Variants in ELSPBP1 observed in about 807,000 individuals in gnomAD.
ELSPBP1 encodes the protein epididymal sperm binding protein 1, also known as epididymal sperm-binding protein 1.
Under a neutral mutation model 33.3 loss-of-function variants are expected in ELSPBP1, and 38 were observed. The observed-to-expected ratio is 1.14, with a 90% CI of 0.88 to 1.50. ELSPBP1 has a LOEUF of 1.50. ELSPBP1 is among the 40% of genes most tolerant of loss of function. ELSPBP1 has a pLI of 0.00. For synonymous variants in ELSPBP1, 85 were observed against 94.1 expected (o/e 0.90, Z 0.56); for missense variants, 267 against 263.5 (o/e 1.01, Z -0.09).
In ELSPBP1 at chr19:48,015,922, T is replaced by C. The variant is rs1678003257; in HGVS notation, c.238T>C (p.Tyr80His). The change falls in exon 4 of 7, where the codon TAT becomes CAT. Residue 80 changes from tyrosine (Y) to histidine (H), a missense_variant. Transcript: ENST00000339841. ...DYPRCIFPFI[Y>H]RGKAYNSCIS... ...CCCACGCTGTATCTTCCCTTTCATCTATCGAGGAAAGGCTTATAACAGCTG... is the reference window on the plus strand; with the variant it reads ...CCCACGCTGTATCTTCCCTTTCATCCATCGAGGAAAGGCTTATAACAGCTG... 1 of 1,612,570 alleles carries C rather than the reference T, an allele frequency of 6.2e-7. No homozygotes were observed. Among genetic ancestry groups the C allele is most frequent in the African/African-American group, 1.3e-5 (1 of 75,022 alleles).
Position 48,019,895 on chromosome 19 carries a change from G to GT in ELSPBP1, c.514+20dup. 2 of 1,327,034 alleles carry GT rather than the reference G, an allele frequency of 1.5e-6. No homozygotes were observed. The highest frequency in any genetic ancestry group is 2.1e-6 in the Non-Finnish European group (2 of 940,498). The allele number at this position is 1,327,034 out of a possible 1,614,324, so 82.2% of individuals were successfully genotyped here. ...CGACACCAGTAATCTGGGGATGGGG[G>GT]TTGGGTGGGTGTGGGTGGAGTCTTT... On this transcript the variant is annotated intron_variant, in intron 5 of 6. Transcript: ENST00000339841.
chr19:48,003,886 CTTCTATTCTATTCTA>C (rs56297495), intron 1 of ELSPBP1, among the ~76,000 whole-genome samples: 24,669 of 114,076 alleles, frequency 0.22, 2,910 homozygotes, highest in East Asian at 0.26. Flanking sequence ...CTTCTGGTTG[CTTCTATTCTATTCTA>C]TTCTATTCTA....
At chr19:48,004,823 A>G (rs760789774) in intron 1 of ELSPBP1, among the ~76,000 whole-genome samples, 14 of 152,136 alleles carry the variant, frequency 9.2e-5, no homozygotes, top group Non-Finnish European at 2.1e-4. Context: ...ACTGCTGCAT[A>G]CTCATCGTGT....
intron 5 of ELSPBP1, among the ~76,000 whole-genome samples, chr19:48,021,656 G>A (rs1568408924): frequency 6.6e-6 from 1 of 151,514 alleles, no homozygotes; most frequent in Non-Finnish European, 1.5e-5. Flanking sequence ...CACCACGTTG[G>A]CCAGGCTGGT....
chr19:47,997,415 C>T (rs1971029771), intron 1 of ELSPBP1, among the ~76,000 whole-genome samples: 1 of 152,116 alleles, frequency 6.6e-6, no homozygotes, highest in Admixed American at 6.6e-5. Flanking sequence ...GTATATTACA[C>T]ATGCCTGTAT....
chr19:48,024,037 T>A (rs1294710058), intron 6 of ELSPBP1, among the ~76,000 whole-genome samples: 1 of 5,526 alleles, frequency 1.8e-4, no homozygotes, highest in Admixed American at 2.0e-3. Context: ...TGCCCAGCAA[T>A]TTTTTTTTTT....
intron 4 of ELSPBP1, 59 bp from the exon 5 acceptor site, chr19:48,019,660 A>C (rs911366366): frequency 6.5e-7 from 1 of 1,542,302 alleles, no homozygotes; most frequent in Non-Finnish European, 8.8e-7. Flanking sequence ...GTGTGTCATA[A>C]ATGGAAGCTC....
intron 1 of ELSPBP1, among the ~76,000 whole-genome samples, chr19:47,995,486 T>G (rs981265097): frequency 5.3e-5 from 8 of 152,232 alleles, no homozygotes; most frequent in African/African-American, 1.4e-4. Flanking sequence ...TTACTCTCCC[T>G]ATTTTAGGAA....
intron 2 of ELSPBP1, among the ~76,000 whole-genome samples, chr19:48,013,254 C>T (rs1448107059): frequency 6.6e-6 from 1 of 152,202 alleles, no homozygotes; most frequent in Non-Finnish European, 1.5e-5. Context: ...TCTCAAGGAA[C>T]AACACACCAC....
chr19:48,008,734 G>A lies in ELSPBP1; in HGVS notation c.67G>A (p.Gly23Arg), dbSNP rs1258537754. The A allele has an allele frequency of 9.3e-6, 15 of 1,613,062 alleles. No individual in the cohort carries two copies. The highest frequency in any genetic ancestry group is 1.3e-5 in the Non-Finnish European group (15 of 1,179,460). ...CCTTCTCTATTCCTATGAGTCAAGT[G>A]GAGGTAAGGACACTCAAAGCAACAG... The part of the protein sequence containing the change: ...TFLLYSYESS[G>R]GMHEECVFPF... The change falls in exon 2 of 7, where the codon GGA (glycine) becomes AGA (arginine). Residue 23 changes from glycine (G) to arginine (R), a missense_variant. Transcript: ENST00000339841.
chr19:47,999,423 C>G (rs940458633), intron 1 of ELSPBP1, among the ~76,000 whole-genome samples: 1 of 145,534 alleles, frequency 6.9e-6, no homozygotes, highest in Non-Finnish European at 1.5e-5. Context: ...GAGTCTCGCT[C>G]TGCCACCCAG....
intron 1 of ELSPBP1, among the ~76,000 whole-genome samples, chr19:48,000,803 A>G (rs925063471): frequency 3.9e-5 from 6 of 152,178 alleles, no homozygotes; most frequent in Non-Finnish European, 7.3e-5. Context: ...GGCTGATTCA[A>G]ATGGGACAGA....
chr19:47,998,208 TCAAGATCAGCCTGGC>T (rs934838007), intron 1 of ELSPBP1, among the ~76,000 whole-genome samples: 1 of 151,402 alleles, frequency 6.6e-6, no homozygotes, highest in Admixed American at 6.6e-5. Context: ...GGTCTGGAGT[TCAAGATCAGCCTGGC>T]CAAGATGGTG....
intron 1 of ELSPBP1, among the ~76,000 whole-genome samples, chr19:48,001,993 G>A (rs1469169714): frequency 6.6e-6 from 1 of 152,110 alleles, no homozygotes; most frequent in Non-Finnish European, 1.5e-5. Context: ...TACCATGACT[G>A]GCCCGCAAAA....
intron 1 of ELSPBP1, among the ~76,000 whole-genome samples, chr19:48,005,527 C>T (rs1193385551): frequency 6.6e-6 from 1 of 152,096 alleles, no homozygotes; most frequent in Non-Finnish European, 1.5e-5. Context: ...GGAAGGATAG[C>T]ATATTTTGGG....
At position 48,011,274 on chromosome 19, in the gene ELSPBP1, CGAT is replaced by C. The variant is rs1036082464; in HGVS notation, c.70+2544_70+2546del. Among the ~76,000 whole-genome samples, 5 of 149,682 alleles carry C rather than the reference CGAT, an allele frequency of 3.3e-5. No individual in the cohort carries two copies. The highest frequency in any genetic ancestry group is 2.1e-4 in the South Asian group (1 of 4,690). The stretch of plus-strand genomic sequence containing the variant: ...TGATTGATAATGATGATGACAATGA[CGAT>C]GATGATCACCATGATAATGACAATA... On this transcript the variant is annotated intron_variant, in intron 2 of 6. Transcript: ENST00000339841. The surrounding 1 kb of genome is among the most constrained non-coding windows in gnomAD (Gnocchi z 4.5).
At chr19:48,012,807 A>G (rs543723458) in intron 2 of ELSPBP1, among the ~76,000 whole-genome samples, 5 of 152,318 alleles carry the variant, frequency 3.3e-5, no homozygotes, top group African/African-American at 1.2e-4. Flanking sequence ...TTCACTTTAA[A>G]AAATTCATTT....
intron 4 of ELSPBP1, among the ~76,000 whole-genome samples, chr19:48,019,277 A>T (rs1356549558): frequency 6.6e-6 from 1 of 152,194 alleles, no homozygotes; most frequent in Non-Finnish European, 1.5e-5. Context: ...AAGGATCATG[A>T]TATAATAGTT....
In ELSPBP1 at chr19:47,998,677, C is replaced by T. The variant is rs186282074; in HGVS notation, c.-18+3866C>T. 3.8e-3 allele frequency among the ~76,000 whole-genome samples: 582 copies of T among 151,324 alleles called. 1 individual carries two copies. Among genetic ancestry groups the T allele is most frequent in the African/African-American group, 0.013 (555 of 41,146 alleles). On this transcript the variant is annotated intron_variant, in intron 1 of 6. Coordinates refer to ENST00000339841, the MANE Select transcript of ELSPBP1 (RefSeq NM_022142.5). Reference sequence around the variant, plus strand: ...TGGTGGGCGCCTGTAGTCCCAGCTACGCGGGAGGCTGAGGCAGGAGAATGG... The same window carrying T: ...TGGTGGGCGCCTGTAGTCCCAGCTATGCGGGAGGCTGAGGCAGGAGAATGG...
Sources: allele counts gnomAD v4.1 joint callset (sites outside exome capture counted in the v4.1 genomes callset), GRCh38; gene constraint gnomAD v4.1.1; non-coding constraint Gnocchi (gnomAD v3.1); transcripts MANE v1.5; gene names NCBI Gene and HGNC (gene_info 2026-07-23, HGNC 2026-07-21).